The following PARD3B variants were observed in gnomAD, a reference collection of about 807,000 sequenced individuals.
PARD3B encodes partitioning defective 3 homolog B.
PARD3B carries 103 observed loss-of-function variants against 130.2 expected under a neutral mutation model. The ratio of observed to expected loss-of-function variants is 0.79; its 90% confidence interval spans 0.67 to 0.93. The LOEUF is 0.93. Ranked by LOEUF, PARD3B falls within the 40% of genes least tolerant of loss-of-function variation. PARD3B has a pLI of 0.00. For synonymous variants in PARD3B, 583 were observed against 553.2 expected (o/e 1.05, Z -0.76); for missense variants, 1,609 against 1,499.2 (o/e 1.07, Z -1.21).
chr2:205,126,179 C>A (rs1170173188), intron 10 of PARD3B, among the ~76,000 whole-genome samples: 1 of 152,126 alleles, frequency 6.6e-6, no homozygotes, highest in Non-Finnish European at 1.5e-5. Flanking sequence ...GCCATGATAA[C>A]ATAGAACAAG....
intron 19 of PARD3B, among the ~76,000 whole-genome samples, chr2:205,433,186 G>C (rs1300097511): frequency 6.6e-6 from 1 of 152,088 alleles, no homozygotes; most frequent in Non-Finnish European, 1.5e-5. Context: ...TTTATAAAAG[G>C]TATAAGTAGT....
chr2:205,564,698 C>T lies in PARD3B; in HGVS notation c.3260+11295C>T, dbSNP rs775409821. Among the ~76,000 whole-genome samples the T allele has an allele frequency of 5.3e-5, 8 of 152,164 alleles. No individual in the cohort carries two copies. Among genetic ancestry groups the T allele is most frequent in the African/African-American group, 1.7e-4 (7 of 41,440 alleles). On this transcript the variant is annotated intron_variant, in intron 22 of 22. Coordinates refer to ENST00000406610, the MANE Select transcript of PARD3B (RefSeq NM_001302769.2). The surrounding 1 kb of genome is among the most constrained non-coding windows in gnomAD (Gnocchi z 4.6). The stretch of plus-strand genomic sequence containing the variant: ...AGTCAGTTACTATGGTGGTGCCACC[C>T]GAGCCCATCTGTGCCCTGGATCTCA...
intron 18 of PARD3B, among the ~76,000 whole-genome samples, chr2:205,391,176 C>T (rs942900681): frequency 3.3e-5 from 5 of 152,238 alleles, no homozygotes; most frequent in African/African-American, 1.2e-4. Flanking sequence ...GGTCTCAAAA[C>T]ACTCTTTCCT....
chr2:204,744,410 TG>T (rs565337609), intron 2 of PARD3B, among the ~76,000 whole-genome samples: 50 of 152,212 alleles, frequency 3.3e-4, no homozygotes, highest in Admixed American at 1.1e-3. Context: ...TTTTGAATTT[TG>T]TAGCACATTT....
At chr2:204,989,662 G>A (rs1693478217) in intron 3 of PARD3B, among the ~76,000 whole-genome samples, 1 of 151,936 alleles carries the variant, frequency 6.6e-6, no homozygotes, top group Admixed American at 6.6e-5. Context: ...TCTCTATGGA[G>A]TTCATTGTTT....
rs1360101733 is a variant in PARD3B at position 205,021,530 on chromosome 2, T to A, written c.395-26051T>A. On this transcript the variant is annotated intron_variant, in intron 3 of 22. Coordinates refer to ENST00000406610, the MANE Select transcript of PARD3B (RefSeq NM_001302769.2). The surrounding 1 kb of genome is among the most constrained non-coding windows in gnomAD (Gnocchi z 4.5). ...AAAGTGGAACCAGAGTATATTGCAG[T>A]TTCACAAGCAGGAGGTAATAGCATT... Among the ~76,000 whole-genome samples, 2 of 151,776 alleles carry A rather than the reference T, an allele frequency of 1.3e-5. No individual in the cohort carries two copies. The highest frequency in any genetic ancestry group is 2.9e-5 in the Non-Finnish European group (2 of 67,980).
chr2:205,050,683 ATAT>A (rs1181145059), intron 4 of PARD3B, among the ~76,000 whole-genome samples: 7 of 152,044 alleles, frequency 4.6e-5, no homozygotes, highest in Admixed American at 6.6e-5. Flanking sequence ...TGAATAAAAT[ATAT>A]TATTAAAATT....
At position 204,677,881 on chromosome 2, in the gene PARD3B, C is replaced by A. The variant is rs1423268026; in HGVS notation, c.121-8300C>A. ...TTTTGTTTTAGGATTTGTCCTTATT[C>A]TTCTGAGGAAACTAGACTTACTCTG... On this transcript the variant is annotated intron_variant, in intron 1 of 22. Coordinates refer to ENST00000406610, the MANE Select transcript of PARD3B (RefSeq NM_001302769.2). The surrounding 1 kb of genome is among the most constrained non-coding windows in gnomAD (Gnocchi z 4.1). 6.6e-6 allele frequency among the ~76,000 whole-genome samples: 1 copy of A among 152,146 alleles called. No individual in the cohort carries two copies. Among genetic ancestry groups the A allele is most frequent in the Admixed American group, 6.5e-5 (1 of 15,288 alleles).
chr2:205,478,293 C>T (rs754526277), intron 20 of PARD3B, among the ~76,000 whole-genome samples: 4 of 152,170 alleles, frequency 2.6e-5, no homozygotes, highest in East Asian at 1.9e-4. Context: ...GTGTGTCTCT[C>T]CTCCCTAGTC....
At chr2:204,936,588 A>C (rs1031372024) in intron 2 of PARD3B, among the ~76,000 whole-genome samples, 1 of 152,218 alleles carries the variant, frequency 6.6e-6, no homozygotes, top group Non-Finnish European at 1.5e-5. Flanking sequence ...CAGATGATGG[A>C]GCATAGCTGT....
At chr2:205,468,091 C>G (rs1037593864) in intron 20 of PARD3B, among the ~76,000 whole-genome samples, 2 of 152,072 alleles carry the variant, frequency 1.3e-5, no homozygotes, top group Middle Eastern at 3.2e-3. Flanking sequence ...TTGCTTTGCC[C>G]GAAAGGAAGG....
At chr2:205,075,398 C>T (rs977401627) in intron 4 of PARD3B, among the ~76,000 whole-genome samples, 2 of 151,870 alleles carry the variant, frequency 1.3e-5, no homozygotes, top group African/African-American at 4.8e-5. Flanking sequence ...TTAAATTCTC[C>T]CGTATGAAAA....
chr2:205,002,945 C>G (rs552824189), intron 3 of PARD3B, among the ~76,000 whole-genome samples: 1 of 152,300 alleles, frequency 6.6e-6, no homozygotes, highest in Admixed American at 6.5e-5. Flanking sequence ...AGGGCAAACA[C>G]CACAAGGCTG....
chr2:204,841,254 CA>C (rs1328762828), intron 2 of PARD3B, among the ~76,000 whole-genome samples: 4 of 152,050 alleles, frequency 2.6e-5, no homozygotes, highest in Non-Finnish European at 5.9e-5. Flanking sequence ...AGCTCCAAAA[CA>C]GAGTGGAATG....
intron 2 of PARD3B, among the ~76,000 whole-genome samples, chr2:204,798,798 C>T (rs542746844): frequency 2.0e-5 from 3 of 152,182 alleles, no homozygotes; most frequent in Non-Finnish European, 2.9e-5. Flanking sequence ...GAAGGGAACC[C>T]GATGCCTTGA....
rs538309355 is a variant in PARD3B at position 205,358,276 on chromosome 2, A to G, written c.2631-42737A>G. Among the ~76,000 whole-genome samples, 3 of 152,310 alleles carry G rather than the reference A, an allele frequency of 2.0e-5. No homozygotes were observed. The East Asian group carries it at 5.8e-4, about 29-fold the overall frequency. On this transcript the variant is annotated intron_variant, in intron 18 of 22. Coordinates refer to ENST00000406610, the MANE Select transcript of PARD3B (RefSeq NM_001302769.2). Reference sequence around the variant, plus strand: ...TTCTGCATCTCTTATGTCTTCTAGGATTACTCAAAGATCCCCACAGAAGTT... The same window carrying G: ...TTCTGCATCTCTTATGTCTTCTAGGGTTACTCAAAGATCCCCACAGAAGTT...
At chr2:205,453,910 A>G (rs538389607) in intron 20 of PARD3B, among the ~76,000 whole-genome samples, 44 of 152,316 alleles carry the variant, frequency 2.9e-4, no homozygotes, top group African/African-American at 1.1e-3. Context: ...ATTGCAGTCA[A>G]AAATGTTGGA....
rs1559392973 is a variant in PARD3B, at chr2:205,054,424, ATATATATATATATTTTTTTTTT to A, written c.504+6736_504+6757del. Among the ~76,000 whole-genome samples the A allele has an allele frequency of 1.9e-4, 4 of 21,446 alleles. 1 individual carries two copies. Among genetic ancestry groups the A allele is most frequent in the Non-Finnish European group, 3.2e-4 (3 of 9,474 alleles). 14.1% of individuals were successfully genotyped at this position (21,446 alleles called of 152,430 possible). A position where few individuals can be genotyped will look rare whatever the true frequency, so the allele number is the denominator to read the frequency against. On this transcript the variant is annotated intron_variant, in intron 4 of 22. Transcript: ENST00000406610. Reference sequence around the variant, plus strand: ...GTCTTTTATATATATATATATATATATATATATATATATTTTTTTTTTTTTTTTTTTTTAATTATACTCTAAG... The same window carrying A: ...GTCTTTTATATATATATATATATATATTTTTTTTTTTAATTATACTCTAAG...
chr2:204,717,614 A>G (rs2125312931), intron 2 of PARD3B, among the ~76,000 whole-genome samples: 1 of 152,074 alleles, frequency 6.6e-6, no homozygotes, highest in South Asian at 2.1e-4. Context: ...CAAAGGAATG[A>G]TGAACATTAT....
Sources: gnomAD v4.1 joint callset for allele counts (sites outside exome capture counted in the v4.1 genomes callset) on GRCh38, gnomAD v4.1.1 for gene constraint, Gnocchi (gnomAD v3.1) non-coding constraint, MANE v1.5 for transcripts, NCBI Gene and HGNC (gene_info 2026-07-23, HGNC 2026-07-21) for gene names.